VSTM1: variants seen among roughly 807,000 people sequenced by gnomAD.
The protein encoded by VSTM1 is V-set and transmembrane domain containing 1, also known as V-set and transmembrane domain-containing protein 1.
Under a neutral mutation model 33.1 loss-of-function variants are expected in VSTM1, and 27 were observed. The observed-to-expected ratio is 0.82, with a 90% CI of 0.60 to 1.12. The LOEUF is 1.12. Among genes scored for constraint, VSTM1 ranks in the 50% most tolerant of loss-of-function variants. The pLI is 0.00. For missense variants in VSTM1, 304 were observed against 288.9 expected, an observed-to-expected ratio of 1.05 and a Z score of -0.38; for synonymous variants, 115 against 110.3, an observed-to-expected ratio of 1.04 and a Z score of -0.27.
intron 4 of VSTM1, among the ~76,000 whole-genome samples, chr19:54,045,587 A>C (rs2070536482): frequency 6.6e-6 from 1 of 150,382 alleles, no homozygotes; most frequent in Admixed American, 6.7e-5. Flanking sequence ...TCATCTATCT[A>C]ATGTATCTAT....
Position 54,063,875 on chromosome 19 carries a change from G to C in VSTM1, c.-98C>G, listed in dbSNP as rs1038734883. 21 of 1,375,628 alleles carry C rather than the reference G, an allele frequency of 1.5e-5. No individual in the cohort carries two copies. The African/African-American group carries it at 1.8e-4, about 12-fold the overall frequency. 85.2% of individuals were successfully genotyped at this position (1,375,628 alleles called of 1,614,324 possible). A position where few individuals can be genotyped will look rare whatever the true frequency, so the allele number is the denominator to read the frequency against. Reference sequence around the variant, plus strand: ...CCGCAGCTCTCCGGCTGCCCGGTTCGTCCCCAGGATGTGCAGATAGAGGAG... The same window carrying C: ...CCGCAGCTCTCCGGCTGCCCGGTTCCTCCCCAGGATGTGCAGATAGAGGAG... On this transcript the variant is annotated 5_prime_UTR_variant, in exon 1 of 9. Transcript: ENST00000338372.
chr19:54,052,165 G>A (rs1272891333), intron 3 of VSTM1, among the ~76,000 whole-genome samples: 1 of 151,952 alleles, frequency 6.6e-6, no homozygotes, highest in Non-Finnish European at 1.5e-5. Context: ...TTGGGAGGCC[G>A]AGGCGGGCAG....
At chr19:54,062,477 C>T (rs1284430486) in intron 1 of VSTM1, among the ~76,000 whole-genome samples, 1 of 151,992 alleles carries the variant, frequency 6.6e-6, no homozygotes, top group African/African-American at 2.4e-5. Flanking sequence ...AATCCCAGCA[C>T]TTTAGGAGGT....
At chr19:54,057,843 G>A (rs904187706) in intron 3 of VSTM1, among the ~76,000 whole-genome samples, 1 of 150,110 alleles carries the variant, frequency 6.7e-6, no homozygotes, top group Non-Finnish European at 1.5e-5. Flanking sequence ...GGAGGTTCAC[G>A]TTTATAATCC....
intron 3 of VSTM1, among the ~76,000 whole-genome samples, chr19:54,057,776 T>G (rs1490735897): frequency 2.1e-5 from 3 of 143,500 alleles, no homozygotes; most frequent in Non-Finnish European, 4.5e-5. Flanking sequence ...GCCACTGTAC[T>G]CCAGCCTGGG....
At chr19:54,062,369 G>A (rs1420110971) in intron 1 of VSTM1, among the ~76,000 whole-genome samples, 3 of 152,138 alleles carry the variant, frequency 2.0e-5, no homozygotes, top group African/African-American at 7.2e-5. Context: ...CAGTCTCCTG[G>A]TTGCCCAGCT....
rs1344849735 is a variant in VSTM1 at position 54,056,220 on chromosome 19, T to TTC, written c.355+2085_355+2086insGA. On this transcript the variant is annotated intron_variant, in intron 3 of 8. Coordinates refer to ENST00000338372, the MANE Select transcript of VSTM1 (RefSeq NM_198481.4). ...CTTTCTTTTCTTTTCTTTTCTTTTT[T>TTC]TTTTTTTTTTTTTTTTTTTGAGACA... Among the ~76,000 whole-genome samples the TTC allele has an allele frequency of 1.1e-3, 73 of 68,736 alleles. 3 individuals carry two copies. Among genetic ancestry groups the TTC allele is most frequent in the African/African-American group, 3.1e-3 (71 of 22,720 alleles). 45.1% of individuals were successfully genotyped at this position (68,736 alleles called of 152,430 possible).
intron 3 of VSTM1, among the ~76,000 whole-genome samples, chr19:54,054,105 A>C (rs2070973776): frequency 7.0e-6 from 1 of 142,142 alleles, no homozygotes; most frequent in South Asian, 2.3e-4. Flanking sequence ...AGTATAATAA[A>C]GTGATTTGCA....
At chr19:54,042,841 T>TATATATATAC (rs1555752728) in intron 4 of VSTM1, among the ~76,000 whole-genome samples, 188 of 96,272 alleles carry the variant, frequency 2.0e-3, no homozygotes, top group Non-Finnish European at 3.3e-3. Flanking sequence ...TATATATACA[T>TATATATATAC]ATATATATAT....
Position 54,041,097 on chromosome 19 carries a change from T to C in VSTM1, c.592-17A>G, listed in dbSNP as rs2070239731. ...GTCTGCCGTCTTTGGAGAAAATAGA[T>C]GAATATTAGAACTGAGTGTTCAATA... On this transcript the variant is annotated splice_polypyrimidine_tract_variant and intron_variant, in intron 8 of 8. Coordinates refer to ENST00000338372, the MANE Select transcript of VSTM1 (RefSeq NM_198481.4). 1.9e-6 allele frequency: 3 copies of C among 1,563,378 alleles called. No individual in the cohort carries two copies. The highest frequency in any genetic ancestry group is 2.8e-5 in the African/African-American group (2 of 71,994).
intron 3 of VSTM1, among the ~76,000 whole-genome samples, chr19:54,057,487 C>T (rs2146126039): frequency 6.7e-6 from 1 of 150,352 alleles, no homozygotes; most frequent in South Asian, 2.1e-4. Flanking sequence ...TGCACTCCTG[C>T]CTGGGTGACA....
chr19:54,049,463 C>T (rs2070740332), intron 4 of VSTM1, among the ~76,000 whole-genome samples: 1 of 152,030 alleles, frequency 6.6e-6, no homozygotes, highest in Non-Finnish European at 1.5e-5. Flanking sequence ...ATACAAAATG[C>T]CAGTGAATTG....
At chr19:54,063,661 AC>A in intron 1 of VSTM1, 82 bp downstream of exon 1, 1 of 1,549,820 alleles carries the variant, frequency 6.5e-7, no homozygotes, top group Non-Finnish European at 8.9e-7. Context: ...ACTTCCACAC[AC>A]CGCATTTCCA....
intron 1 of VSTM1, among the ~76,000 whole-genome samples, chr19:54,063,158 T>G (rs1414778119): frequency 6.6e-6 from 1 of 151,764 alleles, no homozygotes; most frequent in African/African-American, 2.4e-5. Context: ...ACCAACATGG[T>G]GAAACCCCGT....
At chr19:54,042,133 G>A (rs775382090) in intron 6 of VSTM1, 36 bp downstream of exon 6, 74 of 1,581,902 alleles carry the variant, frequency 4.7e-5, no homozygotes, top group Non-Finnish European at 6.2e-5. Context: ...GAATGACATG[G>A]GAATAAGTGG....
At position 54,040,918 on chromosome 19, in the gene VSTM1, C is replaced by T; in HGVS notation, c.*43G>A. 2 of 1,597,556 alleles carry T rather than the reference C, an allele frequency of 1.3e-6. No homozygotes were observed. The highest frequency in any genetic ancestry group is 1.7e-6 in the Non-Finnish European group (2 of 1,172,948). ...TCTCCAGATTTCCGATAACCTTGGC[C>T]AGCACGATCCCCCCTCCTTTAGTGG... On this transcript the variant is annotated 3_prime_UTR_variant, in exon 9 of 9. Coordinates refer to ENST00000338372, the MANE Select transcript of VSTM1 (RefSeq NM_198481.4).
chr19:54,040,839 G>T lies in VSTM1; in HGVS notation c.*122C>A. 7.5e-7 allele frequency: 1 copy of T among 1,339,194 alleles called. No homozygotes were observed. Among genetic ancestry groups the T allele is most frequent in the South Asian group, 1.6e-5 (1 of 64,426 alleles). The allele number at this position is 1,339,194 out of a possible 1,614,324, so 83.0% of individuals were successfully genotyped here. A position where few individuals can be genotyped will look rare whatever the true frequency, so the allele number is the denominator to read the frequency against. The stretch of plus-strand genomic sequence containing the variant: ...AATAAGTCAGATTTCTTTTTAAGAC[G>T]AGAAACTTAATTTTATTGATATGGA... On this transcript the variant is annotated 3_prime_UTR_variant, in exon 9 of 9. Coordinates refer to ENST00000338372, the MANE Select transcript of VSTM1 (RefSeq NM_198481.4).
chr19:54,049,877 C>T (rs2070756173), intron 4 of VSTM1, among the ~76,000 whole-genome samples: 3 of 151,806 alleles, frequency 2.0e-5, no homozygotes, highest in Non-Finnish European at 2.9e-5. Context: ...TTATGACTTG[C>T]TGAAAGGAAG....
chr19:54,056,292 G>T (rs1233415287), intron 3 of VSTM1, among the ~76,000 whole-genome samples: 1 of 118,494 alleles, frequency 8.4e-6, no homozygotes, highest in African/African-American at 3.4e-5. Flanking sequence ...CACGATCTTG[G>T]CTCACCGCAG....
Sources: gnomAD v4.1 joint callset for allele counts (sites outside exome capture counted in the v4.1 genomes callset) on GRCh38, gnomAD v4.1.1 for gene constraint, MANE v1.5 for transcripts, NCBI Gene and HGNC (gene_info 2026-07-23, HGNC 2026-07-21) for gene names.